Variants in CELSR1 observed in about 807,000 individuals in gnomAD.
CELSR1 encodes adhesion G protein-coupled receptor C1.
Under a neutral mutation model 249.1 loss-of-function variants are expected in CELSR1, and 110 were observed. The observed-to-expected ratio is 0.44, with a 90% CI of 0.38 to 0.52. The LOEUF is 0.52. Ranked by LOEUF, CELSR1 falls within the 20% of genes least tolerant of loss-of-function variation. The pLI, the probability that CELSR1 is intolerant of heterozygous loss-of-function variation, is 0.00. For synonymous variants in CELSR1, 2,113 were observed against 1,900.0 expected (o/e 1.11, Z -2.92); for missense variants, 4,109 against 4,296.4 (o/e 0.96, Z 1.22).
intron 20 of CELSR1, 75 bp from the exon 21 acceptor site, chr22:46,382,125 G>A (rs1278433263): frequency 5.9e-6 from 8 of 1,359,460 alleles, no homozygotes; most frequent in African/African-American, 5.9e-5. Flanking sequence ...GTGCCAGCAG[G>A]TGCTTCTCAA....
Position 46,390,372 on chromosome 22 carries a change from C to CA in CELSR1, c.6345+19dup. 1 of 1,594,608 alleles carries CA rather than the reference C, an allele frequency of 6.3e-7. No individual in the cohort carries two copies. The highest frequency in any genetic ancestry group is 8.6e-7 in the Non-Finnish European group (1 of 1,165,994). ...CACACACGTGCCCCTGCTGAACACA[C>CA]ATCCCCGAGGCGCCCCTACCATGGC... On this transcript the variant is annotated intron_variant, in intron 17 of 34. Coordinates refer to ENST00000674500, the MANE Select transcript of CELSR1 (RefSeq NM_001378328.1). This position sits in a 1 kb window ranked among gnomAD's most constrained non-coding sequence, Gnocchi z 6.3.
Position 46,430,645 on chromosome 22 carries a change from G to A in CELSR1, c.4611+2748C>T, listed in dbSNP as rs2079584747. 6.6e-6 allele frequency among the ~76,000 whole-genome samples: 1 copy of A among 152,188 alleles called. No homozygotes were observed. The highest frequency in any genetic ancestry group is 1.9e-4 in the East Asian group (1 of 5,192). The stretch of plus-strand genomic sequence containing the variant: ...CAAGGTCACCCCCAAGGTGGCTGCT[G>A]GAGGACAGGACCAGAGGTGACATTG... On this transcript the variant is annotated intron_variant, in intron 5 of 34. Transcript: ENST00000674500. This position sits in a 1 kb window ranked among gnomAD's most constrained non-coding sequence, Gnocchi z 4.6.
At chr22:46,469,622 T>A (rs1343783223) in intron 1 of CELSR1, among the ~76,000 whole-genome samples, 2 of 151,954 alleles carry the variant, frequency 1.3e-5, no homozygotes, top group Non-Finnish European at 2.9e-5. Context: ...TTCAAGTGAT[T>A]CTCCTGCCTC....
chr22:46,493,307 A>C (rs2080384895), intron 1 of CELSR1, among the ~76,000 whole-genome samples: 1 of 152,144 alleles, frequency 6.6e-6, no homozygotes, highest in South Asian at 2.1e-4. Context: ...GAACTTTGGG[A>C]AGCCAAGGCG....
rs1474037375 is a variant in CELSR1 at position 46,537,478 on chromosome 22, G to A, written c.-308C>T. ...CGGCGGCGGCTCCAGGCGGCTCCAG[G>A]TGGCTCCGGCGCGGGCTCGGCCGGA... On this transcript the variant is annotated 5_prime_UTR_variant, in exon 1 of 35. Transcript: ENST00000674500. The surrounding 1 kb of genome is among the most constrained non-coding windows in gnomAD (Gnocchi z 5.8). Among the ~76,000 whole-genome samples the A allele has an allele frequency of 6.7e-6, 1 of 149,352 alleles. No homozygotes were observed. The highest frequency in any genetic ancestry group is 6.7e-5 in the Admixed American group (1 of 15,032).
At position 46,433,378 on chromosome 22, in the gene CELSR1, T is replaced by C; in HGVS notation, c.4611+15A>G. On this transcript the variant is annotated intron_variant, in intron 5 of 34. Transcript: ENST00000674500. This position sits in a 1 kb window ranked among gnomAD's most constrained non-coding sequence, Gnocchi z 5.7. ...CCGCCCTGGGGCCAGGGGGAAGTGG[T>C]GGGGCCCATCTTACCTTGTTGTAGT... 2 of 1,607,672 alleles carry C rather than the reference T, an allele frequency of 1.2e-6. No homozygotes were observed. The highest frequency in any genetic ancestry group is 1.7e-6 in the Non-Finnish European group (2 of 1,175,428).
intron 1 of CELSR1, among the ~76,000 whole-genome samples, chr22:46,531,185 T>TTTA (rs2080788285): frequency 6.8e-6 from 1 of 147,944 alleles, no homozygotes; most frequent in Non-Finnish European, 1.5e-5. Flanking sequence ...CTGCGCATCC[T>TTTA]TTTATTTATT....
chr22:46,453,272 A>G (rs3788691), intron 2 of CELSR1, among the ~76,000 whole-genome samples: 50,874 of 152,092 alleles, frequency 0.33, 9,668 homozygotes, highest in African/African-American at 0.51. Flanking sequence ...GAACAGCAGC[A>G]TGCCCGGGCT....
intron 2 of CELSR1, among the ~76,000 whole-genome samples, chr22:46,442,657 A>G (rs772236018): frequency 3.9e-5 from 6 of 152,226 alleles, no homozygotes; most frequent in Non-Finnish European, 5.9e-5. Context: ...GCTTCCAATG[A>G]GCTTTTGAAG....
chr22:46,480,793 C>G (rs2080258415), intron 1 of CELSR1, among the ~76,000 whole-genome samples: 1 of 152,218 alleles, frequency 6.6e-6, no homozygotes, highest in South Asian at 2.1e-4. Context: ...TAAAACTCTC[C>G]TGTAATATCT....
chr22:46,463,581 C>A, intron 2 of CELSR1, 126 bp downstream of exon 2: 1 of 1,046,734 alleles, frequency 9.6e-7, no homozygotes, highest in Non-Finnish European at 1.3e-6. Flanking sequence ...GAGCCCACAC[C>A]TGGGCCCAGC....
At chr22:46,375,446 T>A (rs1412693895) in intron 24 of CELSR1, among the ~76,000 whole-genome samples, 1 of 152,032 alleles carries the variant, frequency 6.6e-6, no homozygotes, top group East Asian at 1.9e-4. Flanking sequence ...CCCAGTGCCC[T>A]GGCTTCAGTT....
intron 29 of CELSR1, among the ~76,000 whole-genome samples, 169 bp downstream of exon 29, chr22:46,366,824 A>G (rs2078788700): frequency 1.3e-5 from 2 of 152,168 alleles, no homozygotes; most frequent in East Asian, 1.9e-4. Flanking sequence ...CGATTCTGTC[A>G]CTTTCTGGTT....
At position 46,534,864 on chromosome 22, in the gene CELSR1, C is replaced by A. The variant is rs201318878; in HGVS notation, c.2307G>T (p.Arg769=). Residue 769 remains arginine, a synonymous_variant, in exon 1 of 35, where the codon CGG becomes CGT. Coordinates refer to ENST00000674500, the MANE Select transcript of CELSR1 (RefSeq NM_001378328.1). This position sits in a 1 kb window ranked among gnomAD's most constrained non-coding sequence, Gnocchi z 9.7. ...VLAVTASDGT[R]SHTAHVLINV... The stretch of plus-strand genomic sequence containing the variant: ...TGATTAGGACATGCGCAGTGTGCGA[C>A]CGTGTGCCGTCGGATGCTGTCACCG... The A allele has an allele frequency of 1.9e-6, 3 of 1,612,734 alleles. No homozygotes were observed. The Admixed American group carries it at 5.0e-5, about 27-fold the overall frequency.
intron 1 of CELSR1, among the ~76,000 whole-genome samples, chr22:46,504,176 T>A (rs1166915351): frequency 6.6e-6 from 1 of 152,184 alleles, no homozygotes; most frequent in African/African-American, 2.4e-5. Context: ...CGATAAAAGA[T>A]AAGCAATCTA....
intron 1 of CELSR1, among the ~76,000 whole-genome samples, chr22:46,531,199 T>C (rs998760878): frequency 2.6e-5 from 4 of 151,252 alleles, no homozygotes; most frequent in African/African-American, 9.7e-5. Flanking sequence ...ATTTATTTAT[T>C]TATTTATTTA....
intron 1 of CELSR1, among the ~76,000 whole-genome samples, chr22:46,513,385 A>T (rs1326583872): frequency 6.6e-6 from 1 of 152,164 alleles, no homozygotes; most frequent in Non-Finnish European, 1.5e-5. Flanking sequence ...TTTACAGGAC[A>T]CTTAAACCAG....
intron 1 of CELSR1, among the ~76,000 whole-genome samples, chr22:46,519,591 G>C (rs377574299): frequency 1.3e-5 from 2 of 152,178 alleles, no homozygotes. Flanking sequence ...TGCCCAGCTG[G>C]TCTCCCTTCC....
Position 46,411,524 on chromosome 22 carries a change from G to C in CELSR1, c.4769+78C>G. On this transcript the variant is annotated intron_variant, in intron 6 of 34. Transcript: ENST00000674500. This position sits in a 1 kb window ranked among gnomAD's most constrained non-coding sequence, Gnocchi z 4.2. ...ACTGCACCCAGAGTGCCTACGTGGG[G>C]CCCTGCCCTGGGAAGGCCGCAGGGT... 6.5e-7 allele frequency: 1 copy of C among 1,549,406 alleles called. No individual in the cohort carries two copies. Among genetic ancestry groups the C allele is most frequent in the Non-Finnish European group, 8.8e-7 (1 of 1,140,270 alleles).
Sources: allele counts gnomAD v4.1 joint callset (sites outside exome capture counted in the v4.1 genomes callset), GRCh38; gene constraint gnomAD v4.1.1; non-coding constraint Gnocchi (gnomAD v3.1); transcripts MANE v1.5; gene names NCBI Gene and HGNC (gene_info 2026-07-23, HGNC 2026-07-21).